The following UGT2A1 variants were observed in gnomAD, a reference collection of about 807,000 sequenced individuals.
UGT2A1 encodes UDP glucuronosyltransferase family 2 member A1 complex locus, also known as UDP-glucuronosyltransferase 2A1.
In UGT2A1, 61 loss-of-function variants were observed where a neutral mutation model predicts 45.4. The ratio of observed to expected loss-of-function variants is 1.34; its 90% CI spans 1.09 to 1.66. The LOEUF (loss-of-function observed/expected upper bound fraction) is 1.66, where lower values mean the gene tolerates loss of function less well. Ranked by LOEUF, UGT2A1 falls within the 40% of genes most tolerant of loss-of-function variation. The pLI is 0.00. For missense variants in UGT2A1, 649 were observed against 574.3 expected, an observed-to-expected ratio of 1.13 and a Z score of -1.33; for synonymous variants, 229 against 196.2, an observed-to-expected ratio of 1.17 and a Z score of -1.40.
chr4:69,625,697 C>T (rs1036057451), intron 3 of UGT2A1, among the ~76,000 whole-genome samples: 2 of 151,220 alleles, frequency 1.3e-5, no homozygotes, highest in Non-Finnish European at 3.0e-5. Context: ...TACACTATAG[C>T]ACTTATGTAA....
chr4:69,596,189 T>C (rs933367127), intron 4 of UGT2A1: 2 of 1,412,200 alleles, frequency 1.4e-6, no homozygotes, highest in African/African-American at 1.4e-5. Flanking sequence ...AGAACATTAC[T>C]AGCTGCATTG....
chr4:69,589,751 T>C (rs1718483992), intron 6 of UGT2A1, 100 bp from the exon 7 acceptor site: 1 of 1,460,206 alleles, frequency 6.8e-7, no homozygotes, highest in East Asian at 2.3e-5. Context: ...TTTAAGGCCA[T>C]AGTTACGTGG....
chr4:69,604,098 T>A (rs1719460836), intron 3 of UGT2A1, among the ~76,000 whole-genome samples: 1 of 134,746 alleles, frequency 7.4e-6, no homozygotes, highest in Non-Finnish European at 1.6e-5. Context: ...GAAGAGCAAC[T>A]CCAAGACACA....
rs1322893399 is a variant in UGT2A1 at position 69,603,793 on chromosome 4, A to C, written c.848-4399T>G. On this transcript the variant is annotated intron_variant, in intron 3 of 6. Transcript: ENST00000286604. ...ATGCACAAGCCTCAGTAGCCGATTC[A>C]ATCAACTGGAAGAAAGGGTATCAGT... 8.0e-5 allele frequency among the ~76,000 whole-genome samples: 11 copies of C among 137,236 alleles called. 1 individual carries two copies. The highest frequency in any genetic ancestry group is 3.2e-4 in the African/African-American group (11 of 33,948). The allele number at this position is 137,236 out of a possible 152,430, so 90.0% of individuals were successfully genotyped here.
Position 69,647,332 on chromosome 4 carries a change from A to C in UGT2A1, c.313T>G (p.Trp105Gly). 6.2e-7 allele frequency: 1 copy of C among 1,613,328 alleles called. No individual in the cohort carries two copies. Among genetic ancestry groups the C allele is most frequent in the African/African-American group, 1.3e-5 (1 of 74,962 alleles). Residue 105 changes from tryptophan (W) to glycine (G), a missense_variant, in exon 2 of 7, where the codon TGG becomes GGG. Transcript: ENST00000286604. Reference protein sequence around the residue: ...LENRPSPSTIWRFYQEMAKVI... With the variant: ...LENRPSPSTIGRFYQEMAKVI... ...TTGGCCATCTCCTGATAGAATCTCC[A>C]AATGGTTGAAGGAGATGGTCTATTT...
intron 2 of UGT2A1, among the ~76,000 whole-genome samples, chr4:69,636,717 T>A (rs1721730747): frequency 1.3e-5 from 2 of 152,164 alleles, no homozygotes; most frequent in Non-Finnish European, 2.9e-5. Context: ...AAGGGTTTTA[T>A]CATTGCAGAT....
intron 3 of UGT2A1, among the ~76,000 whole-genome samples, chr4:69,607,363 C>G (rs1163602375): frequency 6.6e-6 from 1 of 151,336 alleles, no homozygotes; most frequent in African/African-American, 2.4e-5. Flanking sequence ...ACTGGCTAGC[C>G]ATATGTAGAA....
At chr4:69,646,825 C>A in intron 2 of UGT2A1, 105 bp downstream of exon 2, 2 of 764,010 alleles carry the variant, frequency 2.6e-6, no homozygotes, top group Non-Finnish European at 4.1e-6. Context: ...TATAGTACAT[C>A]AATACTTGGA....
Position 69,589,106 on chromosome 4 carries a change from C to A in UGT2A1, c.*266G>T. On this transcript the variant is annotated 3_prime_UTR_variant, in exon 7 of 7. Transcript: ENST00000286604. ...GAACATATTTAAAATTAGGTAGTATCCTTGTGTCAGAAAAGTGACAGGAAG... is the reference window on the plus strand; with the variant it reads ...GAACATATTTAAAATTAGGTAGTATACTTGTGTCAGAAAAGTGACAGGAAG... 1 of 300,626 alleles carries A rather than the reference C, an allele frequency of 3.3e-6. No individual in the cohort carries two copies. Among genetic ancestry groups the A allele is most frequent in the Non-Finnish European group, 6.1e-6 (1 of 164,494 alleles). 18.6% of individuals were successfully genotyped at this position (300,626 alleles called of 1,614,324 possible). A position where few individuals can be genotyped will look rare whatever the true frequency, so the allele number is the denominator to read the frequency against.
chr4:69,607,352 A>C (rs1179468635), intron 3 of UGT2A1, among the ~76,000 whole-genome samples: 1 of 151,544 alleles, frequency 6.6e-6, no homozygotes, highest in Non-Finnish European at 1.5e-5. Context: ...GTGCTGGGAA[A>C]ACTGGCTAGC....
At chr4:69,634,847 T>A (rs2109961519) in intron 3 of UGT2A1, among the ~76,000 whole-genome samples, 1 of 152,292 alleles carries the variant, frequency 6.6e-6, no homozygotes, top group East Asian at 1.9e-4. Context: ...TCCACTGACA[T>A]CTAGAATGAG....
chr4:69,617,821 G>T (rs1164923870), intron 3 of UGT2A1, among the ~76,000 whole-genome samples: 1 of 151,454 alleles, frequency 6.6e-6, no homozygotes, highest in African/African-American at 2.4e-5. Flanking sequence ...AATATAACTA[G>T]GTTTCAAAAT....
intron 1 of UGT2A1, 56 bp downstream of exon 1, chr4:69,653,132 A>T (rs1261505610): frequency 6.6e-6 from 1 of 152,224 alleles, no homozygotes; most frequent in Non-Finnish European, 1.5e-5. Context: ...GAGAATGGAA[A>T]ATAAATTAAA....
At chr4:69,614,706 A>G (rs1273281938) in intron 3 of UGT2A1, among the ~76,000 whole-genome samples, 1 of 152,076 alleles carries the variant, frequency 6.6e-6, no homozygotes, top group East Asian at 1.9e-4. Flanking sequence ...GCTGCCAAAT[A>G]CATACATTGG....
At chr4:69,633,516 T>C (rs11249454) in intron 3 of UGT2A1, among the ~76,000 whole-genome samples, 20,456 of 152,140 alleles carry the variant, frequency 0.13, 1,733 homozygotes, top group Admixed American at 0.26. Flanking sequence ...GCAGTGTTCA[T>C]CATAAGGTGG....
At chr4:69,610,024 T>C (rs1244807104) in intron 3 of UGT2A1, among the ~76,000 whole-genome samples, 1 of 152,056 alleles carries the variant, frequency 6.6e-6, no homozygotes, top group Admixed American at 6.6e-5. Flanking sequence ...ACCTATAAAG[T>C]TTTTAAAGAG....
chr4:69,639,189 C>T (rs762929432), intron 2 of UGT2A1: 4 of 1,613,672 alleles, frequency 2.5e-6, no homozygotes, highest in Non-Finnish European at 3.4e-6. Flanking sequence ...ATCAAAACCA[C>T]CTTTCTGAAG....
chr4:69,591,313 A>G (rs533630313), intron 6 of UGT2A1, among the ~76,000 whole-genome samples: 2 of 152,296 alleles, frequency 1.3e-5, no homozygotes, highest in South Asian at 4.1e-4. Flanking sequence ...TGTTTAAGAA[A>G]TACATTGGTT....
At position 69,595,196 on chromosome 4, in the gene UGT2A1, C is replaced by G. The variant is rs377454721; in HGVS notation, c.1050G>C (p.Gln350His). Residue 350 changes from glutamine to histidine, a missense_variant, in exon 5 of 7, where the codon CAG (glutamine) becomes CAC (histidine). Physicochemically the swap from Gln to His is conservative, Grantham distance 24. Transcript: ENST00000286604. The part of the protein sequence containing the change: ...KKPATLGNNT[Q>H]LFDWIPQNDL... ...CATTCTGGGGTATCCAATCAAAGAG[C>G]TGAGTATTGTTTCCTAATGTGGCTG... The G allele has an allele frequency of 3.8e-5, 61 of 1,613,832 alleles. 1 individual carries two copies. In the South Asian group the frequency reaches 5.3e-4, roughly 14 times the overall value.
Sources: gnomAD v4.1 joint callset for allele counts (sites outside exome capture counted in the v4.1 genomes callset) on GRCh38, gnomAD v4.1.1 for gene constraint, MANE v1.5 for transcripts, NCBI Gene and HGNC (gene_info 2026-07-23, HGNC 2026-07-21) for gene names.